The following ANK2 variants were observed in gnomAD, a reference collection of about 807,000 sequenced individuals.
ANK2 encodes the protein ankyrin-2.
ANK2 carries 83 observed loss-of-function variants against 360.5 expected under a neutral mutation model. The observed-to-expected ratio is 0.23, with a 90% CI of 0.19 to 0.28. The LOEUF is 0.28. Among genes scored for constraint, ANK2 ranks in the 10% least tolerant of loss-of-function variants. The pLI is 1.00. For synonymous variants in ANK2, 1,740 were observed against 1,759.5 expected, an observed-to-expected ratio of 0.99 and a Z score of 0.28; for missense variants, 4,201 against 4,795.7, an observed-to-expected ratio of 0.88 and a Z score of 3.66.
intron 1 of ANK2, among the ~76,000 whole-genome samples, chr4:113,159,835 T>C (rs1178282291): frequency 6.6e-6 from 1 of 152,050 alleles, no homozygotes; most frequent in Non-Finnish European, 1.5e-5. Flanking sequence ...TTGGCCAGGC[T>C]GGTCTCAAAC....
chr4:113,335,275 A>G (rs1172711851), intron 29 of ANK2, among the ~76,000 whole-genome samples: 1 of 152,198 alleles, frequency 6.6e-6, no homozygotes, highest in African/African-American at 2.4e-5. Flanking sequence ...CTGATTTTTT[A>G]ATATCCACAG....
At chr4:112,733,665 A>G in the ANK2 span, among the ~76,000 whole-genome samples, 2 of 152,244 alleles carry the variant, frequency 1.3e-5, no homozygotes, top group Admixed American at 1.3e-4. Context: ...ATTCAATTCA[A>G]CAATTCAACT....
rs544856566 is a variant in ANK2 at position 112,924,584 on chromosome 4, T to A, written c.21+20070T>A. 1.4e-4 allele frequency among the ~76,000 whole-genome samples: 21 copies of A among 151,956 alleles called. No individual in the cohort carries two copies. The South Asian group carries it at 3.7e-3, about 27-fold the overall frequency. ...AAATTGTTAAATTATGAAACACATA[T>A]GAAATTAGATATTATGTAGCCATTT... is the stretch of plus-strand genomic sequence containing the variant. On this transcript the variant is annotated intron_variant, in intron 2 of 30. Coordinates refer to the ANK2 transcript ENST00000503271.
chr4:113,224,409 A>T (rs902351814), intron 4 of ANK2, among the ~76,000 whole-genome samples: 1 of 152,202 alleles, frequency 6.6e-6, no homozygotes, highest in Admixed American at 6.5e-5. Context: ...GATTAAGAAG[A>T]TATGGTAAGA....
intron 1 of ANK2, among the ~76,000 whole-genome samples, chr4:112,871,123 G>A (rs969811041): frequency 6.6e-6 from 1 of 151,922 alleles, no homozygotes; most frequent in Admixed American, 6.6e-5. Context: ...AAGTGTTTAA[G>A]AATAGGACTG....
In ANK2 at chr4:113,373,458, A is replaced by G. The variant is rs761420287; in HGVS notation, c.11859+9A>G. 3.7e-6 allele frequency: 6 copies of G among 1,613,994 alleles called. No individual in the cohort carries two copies. In the South Asian group the frequency reaches 4.4e-5, roughly 12 times the overall value. Reference sequence around the variant, plus strand: ...ACACCGAGCAGTCAGAGGTGAGACAACCTGATTCTCTAAAACCCATTTGAT... The same window carrying G: ...ACACCGAGCAGTCAGAGGTGAGACAGCCTGATTCTCTAAAACCCATTTGAT... On this transcript the variant is annotated intron_variant, in intron 45 of 45. Coordinates refer to ENST00000357077, the MANE Select transcript of ANK2 (RefSeq NM_001148.6).
the ANK2 span, among the ~76,000 whole-genome samples, chr4:112,734,294 A>T: frequency 2.6e-5 from 4 of 152,204 alleles, no homozygotes; most frequent in African/African-American, 9.6e-5. Context: ...GAAGGAACTG[A>T]GCTCCCTAGC....
intron 4 of ANK2, among the ~76,000 whole-genome samples, chr4:113,225,750 A>G (rs1026767214): frequency 1.3e-5 from 2 of 152,202 alleles, no homozygotes; most frequent in African/African-American, 4.8e-5. Context: ...CATTAAATCT[A>G]CATCTGATAT....
chr4:112,901,731 C>T (rs1055605366), intron 1 of ANK2, among the ~76,000 whole-genome samples: 11 of 151,770 alleles, frequency 7.2e-5, no homozygotes, highest in African/African-American at 1.4e-4. Flanking sequence ...CACGGTGGCA[C>T]GTGCCTGTAA....
intron 2 of ANK2, among the ~76,000 whole-genome samples, chr4:113,188,139 C>T (rs2098569458): frequency 6.6e-6 from 1 of 152,124 alleles, no homozygotes; most frequent in Non-Finnish European, 1.5e-5. Context: ...GTTATATTTA[C>T]ATAGAATTTG....
chr4:112,776,486 T>C, the ANK2 span, among the ~76,000 whole-genome samples: 2 of 152,212 alleles, frequency 1.3e-5, no homozygotes, highest in African/African-American at 4.8e-5. Context: ...GGTAAAAATG[T>C]TACTTTCCTT....
intron 1 of ANK2, among the ~76,000 whole-genome samples, chr4:113,145,405 A>G (rs1020211704): frequency 6.6e-6 from 1 of 152,194 alleles, no homozygotes; most frequent in Non-Finnish European, 1.5e-5. Flanking sequence ...AGAGACAGAG[A>G]AGAGGGAAAT....
intron 22 of ANK2, among the ~76,000 whole-genome samples, chr4:113,302,497 C>G (rs1414467261): frequency 6.6e-6 from 1 of 152,154 alleles, no homozygotes; most frequent in South Asian, 2.1e-4. Flanking sequence ...ATTAATAATA[C>G]CATTGCTAAA....
intron 1 of ANK2, among the ~76,000 whole-genome samples, chr4:112,883,125 G>A (rs1291679528): frequency 3.0e-5 from 4 of 132,824 alleles, no homozygotes; most frequent in East Asian, 2.6e-4. Context: ...TGCAACCTCC[G>A]TCTCCCTGGT....
At chr4:112,741,253 T>C in the ANK2 span, among the ~76,000 whole-genome samples, 1 of 152,208 alleles carries the variant, frequency 6.6e-6, no homozygotes, top group Non-Finnish European at 1.5e-5. Context: ...AGGCAGAAAT[T>C]CTCAGGAGAA....
At chr4:112,873,746 G>A (rs918100250) in intron 1 of ANK2, among the ~76,000 whole-genome samples, 10 of 149,806 alleles carry the variant, frequency 6.7e-5, no homozygotes, top group East Asian at 3.9e-4. Context: ...GGGTTTCACC[G>A]TGTTAGCCAG....
chr4:113,332,969 A>C (rs1193483120), intron 28 of ANK2, 85 bp from the exon 29 acceptor site: 1 of 1,589,798 alleles, frequency 6.3e-7, no homozygotes. Flanking sequence ...GAAGAATTCC[A>C]GGTCACTTTG....
intron 23 of ANK2, among the ~76,000 whole-genome samples, chr4:113,308,565 T>C (rs2078349001): frequency 2.0e-5 from 3 of 152,054 alleles, no homozygotes; most frequent in African/African-American, 4.8e-5. Flanking sequence ...GACTCAAAAA[T>C]ATAGGGGGAA....
the ANK2 span, among the ~76,000 whole-genome samples, chr4:112,729,013 C>G: frequency 6.6e-6 from 1 of 151,966 alleles, no homozygotes; most frequent in Non-Finnish European, 1.5e-5. Context: ...TGGAGATCAA[C>G]CTGGGCAATA....
Sources: allele counts gnomAD v4.1 joint callset (sites outside exome capture counted in the v4.1 genomes callset), GRCh38; gene constraint gnomAD v4.1.1; transcripts MANE v1.5; gene names NCBI Gene and HGNC (gene_info 2026-07-23, HGNC 2026-07-21).